GNS: variants seen among roughly 807,000 people sequenced by gnomAD.
The protein encoded by GNS is N-acetylglucosamine-6-sulfatase.
Under a neutral mutation model 69.7 loss-of-function variants are expected in GNS, and 40 were observed. The ratio of observed to expected loss-of-function variants is 0.57; its 90% confidence interval spans 0.45 to 0.75. The LOEUF is 0.75. GNS is among the 30% of genes least tolerant of loss of function. The probability of loss-of-function intolerance (pLI) is 0.00; values close to 1 mark genes in which losing one functional copy is unlikely to be tolerated. For missense variants in GNS, 565 were observed against 685.5 expected, an observed-to-expected ratio of 0.82 and a Z score of 1.96; for synonymous variants, 243 against 251.6, an observed-to-expected ratio of 0.97 and a Z score of 0.32.
At chr12:64,742,177 C>A (rs950005452) in intron 6 of GNS, among the ~76,000 whole-genome samples, 6 of 152,060 alleles carry the variant, frequency 3.9e-5, no homozygotes, top group African/African-American at 1.4e-4. Context: ...TCCACCACCA[C>A]GCCCGGCTAA....
intron 2 of GNS, among the ~76,000 whole-genome samples, chr12:64,748,215 C>A (rs1290952469): frequency 6.9e-6 from 1 of 145,976 alleles, no homozygotes; most frequent in South Asian, 2.2e-4. Context: ...TTTTTTTTTT[C>A]TTTTGAGGCG....
At chr12:64,758,274 C>G (rs970370839) in intron 1 of GNS, among the ~76,000 whole-genome samples, 50 of 144,332 alleles carry the variant, frequency 3.5e-4, no homozygotes, top group Non-Finnish European at 4.5e-4. Flanking sequence ...CTCAATAGTT[C>G]GACGGTCGGC....
At position 64,752,675 on chromosome 12, in the gene GNS, A is replaced by G. The variant is rs199889951; in HGVS notation, c.252+23T>C. On this transcript the variant is annotated intron_variant, in intron 2 of 13. Coordinates refer to ENST00000258145, the MANE Select transcript of GNS (RefSeq NM_002076.4). The stretch of plus-strand genomic sequence containing the variant: ...ATACAAACACAGTTAAATTAACAAA[A>G]TTGAATTAACTTTCAAACTTACAGC... The G allele has an allele frequency of 1.0e-3, 1,255 of 1,229,836 alleles. 22 individuals are homozygous for G. Among genetic ancestry groups the G allele is most frequent in the Non-Finnish European group, 2.3e-4 (193 of 832,726 alleles). The allele number at this position is 1,229,836 out of a possible 1,614,324, so 76.2% of individuals were successfully genotyped here. A position where few individuals can be genotyped will look rare whatever the true frequency, so the allele number is the denominator to read the frequency against.
chr12:64,736,924 A>C, intron 9 of GNS, 80 bp downstream of exon 9: 1 of 799,158 alleles, frequency 1.3e-6, no homozygotes, highest in Non-Finnish European at 2.3e-6. Context: ...GAACCTAACC[A>C]ATCTTATCTC....
intron 10 of GNS, among the ~76,000 whole-genome samples, chr12:64,727,959 C>T (rs531464143): frequency 2.0e-5 from 3 of 152,140 alleles, no homozygotes; most frequent in Non-Finnish European, 2.9e-5. Context: ...GAGTTTCACT[C>T]GTTGCCCAGG....
At chr12:64,721,786 T>A in intron 11 of GNS, 81 bp from the exon 12 acceptor site, 1 of 805,812 alleles carries the variant, frequency 1.2e-6, no homozygotes, top group Non-Finnish European at 2.2e-6. Flanking sequence ...GGCAATCGGC[T>A]TGGCTCATGC....
chr12:64,737,232 T>C lies in GNS; in HGVS notation c.995-125A>G, dbSNP rs1592500728. On this transcript the variant is annotated intron_variant, in intron 8 of 13. Transcript: ENST00000258145. ...TGTTCTACTGATTCTGGTGTTTTAA[T>C]AGAAAGCTGAAATTTGCCTGGGTCT... is the stretch of plus-strand genomic sequence containing the variant. 8.6e-6 allele frequency: 6 copies of C among 699,380 alleles called. No homozygotes were observed. In the East Asian group the frequency reaches 1.1e-4, roughly 12 times the overall value. 43.3% of individuals were successfully genotyped at this position (699,380 alleles called of 1,614,324 possible).
intron 9 of GNS, among the ~76,000 whole-genome samples, chr12:64,735,377 C>T (rs1869530072): frequency 6.6e-6 from 1 of 152,198 alleles, no homozygotes; most frequent in Non-Finnish European, 1.5e-5. Context: ...GTACCTCTAT[C>T]TCATCAACTG....
chr12:64,730,832 A>G (rs556845681), intron 9 of GNS, among the ~76,000 whole-genome samples: 2 of 152,356 alleles, frequency 1.3e-5, no homozygotes, highest in South Asian at 4.1e-4. Context: ...GATCAAGACA[A>G]CAAGCCATCT....
intron 3 of GNS, 106 bp downstream of exon 3, chr12:64,747,606 G>A (rs1018982149): frequency 1.8e-5 from 13 of 738,850 alleles, no homozygotes; most frequent in Middle Eastern, 3.6e-4. Flanking sequence ...AGAAAACAAC[G>A]TATACCAAGA....
Position 64,714,481 on chromosome 12 carries a change from C to T in GNS, c.*2260G>A, listed in dbSNP as rs1322974597. 6.6e-6 allele frequency: 1 copy of T among 152,122 alleles called. No individual in the cohort carries two copies. Among genetic ancestry groups the T allele is most frequent in the Non-Finnish European group, 1.5e-5 (1 of 68,030 alleles). 9.4% of individuals were successfully genotyped at this position (152,122 alleles called of 1,614,324 possible). On this transcript the variant is annotated 3_prime_UTR_variant, in exon 14 of 14. Coordinates refer to ENST00000258145, the MANE Select transcript of GNS (RefSeq NM_002076.4). ...CTCTTTATGAAAGATTATTTTAGCACAAATTCAGAATGAAGCCAGTCCAAG... is the reference window on the plus strand; with the variant it reads ...CTCTTTATGAAAGATTATTTTAGCATAAATTCAGAATGAAGCCAGTCCAAG...
chr12:64,749,376 C>A (rs1296835140), intron 2 of GNS, among the ~76,000 whole-genome samples: 5 of 151,104 alleles, frequency 3.3e-5, no homozygotes, highest in Non-Finnish European at 1.5e-5. Context: ...CCTCAGCCTC[C>A]CAAGTAGCTG....
intron 2 of GNS, among the ~76,000 whole-genome samples, chr12:64,750,867 C>T (rs1870055336): frequency 6.6e-6 from 1 of 152,064 alleles, no homozygotes; most frequent in African/African-American, 2.4e-5. Context: ...AGCTACGTCA[C>T]TGCACTCCAA....
chr12:64,753,995 GAGGA>G (rs1414640635), intron 1 of GNS, among the ~76,000 whole-genome samples: 1 of 152,236 alleles, frequency 6.6e-6, no homozygotes, highest in Non-Finnish European at 1.5e-5. Context: ...AAGGTGAAAT[GAGGA>G]TTCAAAGAGT....
intron 11 of GNS, among the ~76,000 whole-genome samples, chr12:64,722,441 A>G (rs1301849099): frequency 6.6e-6 from 1 of 152,228 alleles, no homozygotes; most frequent in African/African-American, 2.4e-5. Flanking sequence ...ATCACCAGGT[A>G]CGACTTAAAT....
chr12:64,745,314 G>A lies in GNS; in HGVS notation c.525+345C>T, dbSNP rs150900403. On this transcript the variant is annotated intron_variant, in intron 4 of 13. Transcript: ENST00000258145. The stretch of plus-strand genomic sequence containing the variant: ...AGCTCACTGCAGCCTCAAATTCCTG[G>A]GCTCAAGTGATCTTCTTACCTCAGC... Among the ~76,000 whole-genome samples, 432 of 147,142 alleles carry A rather than the reference G, an allele frequency of 2.9e-3. 1 individual carries two copies. The highest frequency in any genetic ancestry group is 0.01 in the African/African-American group (416 of 39,666).
At chr12:64,745,585 A>G in intron 4 of GNS, 74 bp downstream of exon 4, 1 of 893,552 alleles carries the variant, frequency 1.1e-6, no homozygotes, top group Non-Finnish European at 1.9e-6. Context: ...TTATGTCAAT[A>G]TCAGAGCTAA....
In GNS at chr12:64,732,609, C is replaced by T. The variant is rs888832518; in HGVS notation, c.1099-3552G>A. Among the ~76,000 whole-genome samples the T allele has an allele frequency of 2.2e-4, 33 of 150,142 alleles. 1 individual carries two copies. Among genetic ancestry groups the T allele is most frequent in the Non-Finnish European group, 3.6e-4 (24 of 67,478 alleles). On this transcript the variant is annotated intron_variant, in intron 9 of 13. Transcript: ENST00000258145. ...CCGAGTAACTGGGACTATAGGCGCCCGCCACCACACCTGGCTAATTTTTTG... is the reference window on the plus strand; with the variant it reads ...CCGAGTAACTGGGACTATAGGCGCCTGCCACCACACCTGGCTAATTTTTTG...
rs755021062 is a variant in GNS at position 64,729,001 on chromosome 12, G to T, written c.1155C>A (p.Asp385Glu). ...GPTILDIAGY[D>E]LNKTQMDGMS... ...TCCCATCCATCTGTGTCTTATTTAG[G>T]TCGTAGCCAGCAATGTCCAAAATAG... The change falls in exon 10 of 14, where the codon GAC becomes GAA. Residue 385 changes from aspartate to glutamate, a missense_variant. This residue lies in a region of GNS where 384 missense variants were observed against 511.0 expected (regional missense o/e 0.75). Transcript: ENST00000258145. 44 of 1,603,202 alleles carry T rather than the reference G, an allele frequency of 2.7e-5. 1 individual carries two copies. The East Asian group carries it at 9.4e-4, about 34-fold the overall frequency.
Sources: gnomAD v4.1 joint callset for allele counts (sites outside exome capture counted in the v4.1 genomes callset) on GRCh38, gnomAD v4.1.1 for gene constraint, gnomAD v4.1.1 regional missense constraint, MANE v1.5 for transcripts, NCBI Gene and HGNC (gene_info 2026-07-23, HGNC 2026-07-21) for gene names.